The following SRGAP2C variants were observed in gnomAD, a reference collection of about 807,000 sequenced individuals.
SRGAP2C encodes the protein SLIT-ROBO Rho GTPase activating protein 2C.
In SRGAP2C, 15 loss-of-function variants were observed where a neutral mutation model predicts 25.1. The ratio of observed to expected loss-of-function variants is 0.60; its 90% CI spans 0.40 to 0.92. The LOEUF (loss-of-function observed/expected upper bound fraction) is 0.92. Among genes scored for constraint, SRGAP2C ranks in the 40% least tolerant of loss-of-function variants. The probability of loss-of-function intolerance (pLI) is 0.00; values close to 1 mark genes in which losing one functional copy is unlikely to be tolerated. For missense variants in SRGAP2C, 144 were observed against 264.4 expected (o/e 0.54, Z 3.16); for synonymous variants, 44 against 96.6 (o/e 0.46, Z 3.19).
chr1:121,191,967 G>A, intron 2 of SRGAP2C, among the ~76,000 whole-genome samples: 1 of 135,092 alleles, frequency 7.4e-6, no homozygotes, highest in South Asian at 2.6e-4. Context: ...GCGAAATTTT[G>A]TAATTTCCAT....
rs1229485528 is a variant in SRGAP2C at position 121,347,472 on chromosome 1, A to G, written c.424-17821A>G. Among the ~76,000 whole-genome samples, 24 of 146,994 alleles carry G rather than the reference A, an allele frequency of 1.6e-4. No homozygotes were observed. In the South Asian group the frequency reaches 1.8e-3, roughly 11 times the overall value. ...AAATATTTCTCAACTCCTCCAGAAT[A>G]TTTAGGGTTAACTAAAAATTATAAA... is the stretch of plus-strand genomic sequence containing the variant. On this transcript the variant is annotated intron_variant, in intron 4 of 9. Coordinates refer to ENST00000367123, the MANE Select transcript of SRGAP2C (RefSeq NM_001329984.2).
intron 3 of SRGAP2C, 83 bp downstream of exon 3, chr1:121,285,078 C>G (rs1359939543): frequency 3.8e-6 from 2 of 532,974 alleles, no homozygotes; most frequent in African/African-American, 3.9e-5. Context: ...CCACTTAGAT[C>G]CAGCTGAATT....
intron 2 of SRGAP2C, among the ~76,000 whole-genome samples, chr1:121,206,473 G>T (rs1179321862): frequency 3.3e-5 from 5 of 152,192 alleles, no homozygotes; most frequent in African/African-American, 1.2e-4. Flanking sequence ...AAAGATCAGT[G>T]GGGGCACTCT....
intron 2 of SRGAP2C, among the ~76,000 whole-genome samples, chr1:121,271,332 C>T (rs1656952803): frequency 6.9e-6 from 1 of 145,930 alleles, no homozygotes; most frequent in African/African-American, 2.5e-5. Context: ...TGTTGAATGG[C>T]AGCACCTTAG....
chr1:121,222,209 T>C (rs1193631831), intron 2 of SRGAP2C, among the ~76,000 whole-genome samples: 2 of 152,108 alleles, frequency 1.3e-5, no homozygotes, highest in Non-Finnish European at 2.9e-5. Flanking sequence ...GTCACACAGG[T>C]CCTAGGAACT....
Position 121,389,120 on chromosome 1 carries a change from TAA to T in SRGAP2C, c.*1266_*1267del, listed in dbSNP as rs1394210543. The T allele has an allele frequency of 6.6e-6, 1 of 152,130 alleles. No homozygotes were observed. Among genetic ancestry groups the T allele is most frequent in the African/African-American group, 2.4e-5 (1 of 41,448 alleles). 9.4% of individuals were successfully genotyped at this position (152,130 alleles called of 1,614,324 possible). On this transcript the variant is annotated 3_prime_UTR_variant, in exon 10 of 10. Coordinates refer to ENST00000367123, the MANE Select transcript of SRGAP2C (RefSeq NM_001329984.2). ...CTGCTGTACATATTGTTTTACAATCTAAGTCATATAATTATAATATTCTTTAA... is the reference window on the plus strand; with the variant it reads ...CTGCTGTACATATTGTTTTACAATCTGTCATATAATTATAATATTCTTTAA...
rs61806689 is a variant in SRGAP2C at position 121,374,817 on chromosome 1, C to T, written c.703-9C>T. 0.53 allele frequency: 397,719 copies of T among 749,718 alleles called. 109,668 individuals are homozygous for T. Among genetic ancestry groups the T allele is most frequent in the Non-Finnish European group, 0.58 (234,397 of 402,348 alleles). 46.4% of individuals were successfully genotyped at this position (749,718 alleles called of 1,614,324 possible). ...AAAAGGTAAAAGTGAACTTCTGTTT[C>T]CTTTTCAGCACCAAGCCAAGTACAC... On this transcript the variant is annotated splice_polypyrimidine_tract_variant and intron_variant, in intron 6 of 9. Transcript: ENST00000367123.
intron 3 of SRGAP2C, among the ~76,000 whole-genome samples, chr1:121,321,009 C>G (rs1658192508): frequency 6.6e-6 from 1 of 152,148 alleles, no homozygotes; most frequent in African/African-American, 2.4e-5. Context: ...AGGAGGCACA[C>G]ACAGGCGTGA....
At chr1:121,188,010 G>T (rs1250790409) in intron 2 of SRGAP2C, among the ~76,000 whole-genome samples, 20 of 152,220 alleles carry the variant, frequency 1.3e-4, no homozygotes, top group African/African-American at 4.8e-4. Flanking sequence ...CATGAGATTT[G>T]CAATGGCATT....
chr1:121,360,814 T>G (rs1449095129), intron 4 of SRGAP2C: 1 of 149,854 alleles, frequency 6.7e-6, no homozygotes, highest in African/African-American at 2.5e-5. Context: ...GTCATGTTCC[T>G]TTCCTCTGAA....
At chr1:121,307,396 A>T (rs1315897942) in intron 3 of SRGAP2C, among the ~76,000 whole-genome samples, 55 of 150,576 alleles carry the variant, frequency 3.7e-4, no homozygotes, top group African/African-American at 3.7e-4. Context: ...ACATTGCTTT[A>T]AGAGCATTGT....
Position 121,264,552 on chromosome 1 carries a change from C to T in SRGAP2C, c.68-20251C>T, listed in dbSNP as rs587769545. ...ATGCTTCAGTTACCCTGAATTTCTTCGATTATTTCGGTTCCTTGCATGCAG... is the reference window on the plus strand; with the variant it reads ...ATGCTTCAGTTACCCTGAATTTCTTTGATTATTTCGGTTCCTTGCATGCAG... On this transcript the variant is annotated intron_variant, in intron 2 of 9. Transcript: ENST00000367123. Among the ~76,000 whole-genome samples the T allele has an allele frequency of 3.9e-4, 49 of 125,176 alleles. 2 individuals carry two copies. In the East Asian group the frequency reaches 8.1e-3, roughly 21 times the overall value. 82.1% of individuals were successfully genotyped at this position (125,176 alleles called of 152,430 possible). A position where few individuals can be genotyped will look rare whatever the true frequency, so the allele number is the denominator to read the frequency against.
intron 4 of SRGAP2C, among the ~76,000 whole-genome samples, chr1:121,339,339 C>T (rs1658595859): frequency 6.6e-6 from 1 of 150,720 alleles, no homozygotes. Context: ...GCAACCTCCG[C>T]CTCCCGGGTT....
At chr1:121,191,612 G>A (rs587688296) in intron 2 of SRGAP2C, among the ~76,000 whole-genome samples, 338 of 150,942 alleles carry the variant, frequency 2.2e-3, no homozygotes, top group Middle Eastern at 0.01. Flanking sequence ...GATTGGAGCA[G>A]CGAAGGTGGT....
chr1:121,336,100 A>T (rs1275510194), intron 4 of SRGAP2C, among the ~76,000 whole-genome samples: 1 of 152,056 alleles, frequency 6.6e-6, no homozygotes, highest in East Asian at 1.9e-4. Flanking sequence ...GATGTTTATC[A>T]AGCCCCTCTA....
At chr1:121,319,281 T>C (rs1312115895) in intron 3 of SRGAP2C, among the ~76,000 whole-genome samples, 1 of 152,032 alleles carries the variant, frequency 6.6e-6, no homozygotes, top group African/African-American at 2.4e-5. Context: ...CCTCATGCCA[T>C]GCATTCCATC....
At chr1:121,191,942 A>T (rs1275337441) in intron 2 of SRGAP2C, among the ~76,000 whole-genome samples, 4 of 144,604 alleles carry the variant, frequency 2.8e-5, no homozygotes, top group Non-Finnish European at 4.5e-5. Flanking sequence ...GTGTGTGTGC[A>T]CCACAGAGCT....
chr1:121,254,351 C>CT lies in SRGAP2C; in HGVS notation c.68-30451dup, dbSNP rs1184430202. On this transcript the variant is annotated intron_variant, in intron 2 of 9. Transcript: ENST00000367123. ...CTCTTTCCTCCTCCCATCCCCTGCCCTCCCCAAGGCGTGTTATAGGTACCC... is the reference window on the plus strand; with the variant it reads ...CTCTTTCCTCCTCCCATCCCCTGCCCTTCCCCAAGGCGTGTTATAGGTACCC... 5.8e-5 allele frequency among the ~76,000 whole-genome samples: 4 copies of CT among 68,734 alleles called. 2 individuals are homozygous for CT. Among genetic ancestry groups the CT allele is most frequent in the African/African-American group, 1.2e-4 (2 of 16,854 alleles). The allele number at this position is 68,734 out of a possible 152,430, so 45.1% of individuals were successfully genotyped here.
chr1:121,222,512 G>T (rs116816580), intron 2 of SRGAP2C, among the ~76,000 whole-genome samples: 1 of 151,960 alleles, frequency 6.6e-6, no homozygotes, highest in Non-Finnish European at 1.5e-5. Context: ...AACTGTGGTC[G>T]CAGGTACTTG....
Sources: allele counts gnomAD v4.1 joint callset (sites outside exome capture counted in the v4.1 genomes callset), GRCh38; gene constraint gnomAD v4.1.1; transcripts MANE v1.5; gene names NCBI Gene and HGNC (gene_info 2026-07-23, HGNC 2026-07-21).